CAPRIN2: variants seen among roughly 807,000 people sequenced by gnomAD.
CAPRIN2 encodes caprin-2.
A neutral mutation model predicts 130.4 loss-of-function variants in CAPRIN2; 66 were observed. That is an observed-to-expected ratio of 0.51 (90% CI 0.42 to 0.62). CAPRIN2 has a LOEUF of 0.62. CAPRIN2 is among the 20% of genes least tolerant of loss of function. The pLI is 0.00. For synonymous variants in CAPRIN2, 471 were observed against 444.1 expected, an observed-to-expected ratio of 1.06 and a Z score of -0.76; for missense variants, 1,185 against 1,246.6, an observed-to-expected ratio of 0.95 and a Z score of 0.74.
At chr12:30,729,000 G>C (rs970550634) in exon 8 of CAPRIN2, 1 of 1,614,132 alleles carries the variant, frequency 6.2e-7, no homozygotes, top group Non-Finnish European at 8.5e-7. Flanking sequence ...TTTGGATTTA[G>C]GTGTATCTTG....
At position 30,715,057 on chromosome 12, in the gene CAPRIN2, G is replaced by T. The variant is rs2056994538; in HGVS notation, c.2402C>A (p.Pro801His). The T allele has an allele frequency of 5.6e-6, 9 of 1,613,736 alleles. No homozygotes were observed. Among genetic ancestry groups the T allele is most frequent in the Non-Finnish European group, 7.6e-6 (9 of 1,179,766 alleles). The change falls in exon 14 of 17, where the codon CCT (proline) becomes CAT (histidine). Residue 801 changes from proline to histidine, a missense_variant. Pro to His is a moderately conservative substitution (Grantham distance 77). Around this residue, in one of 2 missense-constraint regions of CAPRIN2, gnomAD observed 1,104 missense variants for 1,104.3 expected, o/e 1.00. Transcript: ENST00000298892. ...CCGGCTATTGACAAATGGCTGAGTA[G>T]GTCTGGGAAACACATTCGTCTGTGC...
intron 3 of CAPRIN2, among the ~76,000 whole-genome samples, chr12:30,740,062 G>T (rs1404807620): frequency 6.6e-6 from 1 of 152,012 alleles, no homozygotes; most frequent in Non-Finnish European, 1.5e-5. Flanking sequence ...CAGCCTAGAA[G>T]AATTTTTCTT....
exon 17 of CAPRIN2, chr12:30,709,829 G>A: frequency 2.0e-6 from 3 of 1,491,198 alleles, no homozygotes; most frequent in South Asian, 2.7e-5. Context: ...TCAGTCATGA[G>A]GGCAAAGACT....
intron 15 of CAPRIN2, among the ~76,000 whole-genome samples, chr12:30,712,441 G>A (rs903430692): frequency 2.0e-5 from 3 of 152,158 alleles, no homozygotes; most frequent in African/African-American, 7.2e-5. Context: ...ACCTAAGTCT[G>A]TATTAATAAA....
At chr12:30,728,893 T>C (rs892423519) in exon 8 of CAPRIN2, 1 of 1,614,038 alleles carries the variant, frequency 6.2e-7, no homozygotes, top group African/African-American at 1.3e-5. Context: ...GTCCAAGACT[T>C]TGGAGTTTGC....
At chr12:30,749,870 A>G (rs1006184270) in intron 2 of CAPRIN2, among the ~76,000 whole-genome samples, 9 of 152,222 alleles carry the variant, frequency 5.9e-5, no homozygotes, top group Admixed American at 2.6e-4. Flanking sequence ...TGAAATACTG[A>G]GAATGAAGTT....
exon 8 of CAPRIN2, chr12:30,728,874 A>G (rs1565614690): frequency 1.9e-6 from 3 of 1,614,126 alleles, no homozygotes; most frequent in Non-Finnish European, 1.7e-6. Flanking sequence ...TTCGCTCTGC[A>G]TGGAAGGTGT....
chr12:30,725,896 T>C, intron 9 of CAPRIN2, 70 bp downstream of exon 10: 1 of 1,315,956 alleles, frequency 7.6e-7, no homozygotes. Flanking sequence ...ATGCTCTTAA[T>C]AATTTCACTG....
intron 2 of CAPRIN2, among the ~76,000 whole-genome samples, chr12:30,743,215 T>G (rs2139253921): frequency 6.6e-6 from 1 of 150,608 alleles, no homozygotes; most frequent in Admixed American, 6.6e-5. Context: ...TGATGTCTTC[T>G]AACAAAGAGC....
chr12:30,753,456 G>A, exon 1 of CAPRIN2: 1 of 1,614,116 alleles, frequency 6.2e-7, no homozygotes, highest in Non-Finnish European at 8.5e-7. Flanking sequence ...AGACTGCAGG[G>A]GGCTCAAGGC....
At chr12:30,715,568 G>T in intron 13 of CAPRIN2, 1 of 395,660 alleles carries the variant, frequency 2.5e-6, no homozygotes, top group Non-Finnish European at 5.0e-6. Flanking sequence ...GGGGGGAGAT[G>T]AAAAGTTCTG....
intron 1 of CAPRIN2, among the ~76,000 whole-genome samples, chr12:30,752,069 C>A (rs1288829939): frequency 6.6e-6 from 1 of 151,874 alleles, no homozygotes; most frequent in Admixed American, 6.6e-5. Flanking sequence ...CAGGCACCCC[C>A]CACCACGCCT....
chr12:30,715,947 A>G (rs1425355219), intron 13 of CAPRIN2: 2 of 155,904 alleles, frequency 1.3e-5, no homozygotes, highest in African/African-American at 4.8e-5. Context: ...AAAAAACTCA[A>G]TAGGGATCTG....
chr12:30,710,602 G>A lies in CAPRIN2; in HGVS notation c.2666-132C>T. 1 of 1,356,532 alleles carries A rather than the reference G, an allele frequency of 7.4e-7. No individual in the cohort carries two copies. The highest frequency in any genetic ancestry group is 1.4e-5 in the South Asian group (1 of 69,438). 84.0% of individuals were successfully genotyped at this position (1,356,532 alleles called of 1,614,324 possible). ...AATTCCAAAACAAAAGCAATATATA[G>A]CTAGATTATACTTTTCTAGATTTTT... On this transcript the variant is annotated intron_variant, in intron 16 of 16. Transcript: ENST00000298892. The surrounding 1 kb of genome is among the most constrained non-coding windows in gnomAD (Gnocchi z 4.8).
chr12:30,726,390 G>T (rs1320537703), intron 8 of CAPRIN2, among the ~76,000 whole-genome samples: 1 of 151,898 alleles, frequency 6.6e-6, no homozygotes, highest in Non-Finnish European at 1.5e-5. Flanking sequence ...TGTCCTCTAG[G>T]ATAAGATGCC....
intron 7 of CAPRIN2, 35 bp from the exon 9 acceptor site, chr12:30,729,360 T>G: frequency 8.3e-6 from 12 of 1,448,368 alleles, no homozygotes; most frequent in Non-Finnish European, 1.1e-5. Flanking sequence ...AGTCACAAAA[T>G]TCATAGAAGA....
intron 1 of CAPRIN2, among the ~76,000 whole-genome samples, chr12:30,753,082 T>C (rs930388564): frequency 6.6e-6 from 1 of 152,222 alleles, no homozygotes. Flanking sequence ...AAGGAATTAA[T>C]CTCACCTAAA....
Position 30,719,227 on chromosome 12 carries a change from T to C in CAPRIN2, c.2148+1584A>G, listed in dbSNP as rs2058608623. 2 of 1,613,754 alleles carry C rather than the reference T, an allele frequency of 1.2e-6. No homozygotes were observed. The highest frequency in any genetic ancestry group is 1.7e-6 in the Non-Finnish European group (2 of 1,179,802). On this transcript the variant is annotated intron_variant, in intron 12 of 16. Coordinates refer to ENST00000298892, the Ensembl canonical transcript of CAPRIN2. ...TTGCTTGCCTGGGGGAATTGCTGCC[T>C]GGGGAGGAGAAATGCAGCATCAGCC...
exon 1 of CAPRIN2, chr12:30,753,405 G>A (rs373181309): frequency 1.9e-6 from 3 of 1,613,740 alleles, no homozygotes; most frequent in African/African-American, 1.3e-5. Context: ...TTCAATATAG[G>A]TCTCATACGC....
Sources: gnomAD v4.1 joint callset for allele counts (sites outside exome capture counted in the v4.1 genomes callset) on GRCh38, gnomAD v4.1.1 for gene constraint, gnomAD v4.1.1 regional missense constraint, Gnocchi (gnomAD v3.1) non-coding constraint, MANE v1.5 for transcripts, NCBI Gene and HGNC (gene_info 2026-07-23, HGNC 2026-07-21) for gene names.